TLE1: variants seen among roughly 807,000 people sequenced by gnomAD.
TLE1 encodes transducin-like enhancer protein 1.
In TLE1, 21 loss-of-function variants were observed where a neutral mutation model predicts 89.8. The ratio of observed to expected loss-of-function variants is 0.23; its 90% CI spans 0.17 to 0.34. The LOEUF (loss-of-function observed/expected upper bound fraction) is 0.34. TLE1 is among the 10% of genes least tolerant of loss of function. The pLI, the probability that TLE1 is intolerant of heterozygous loss-of-function variation, is 1.00. For missense variants in TLE1, 795 were observed against 1,031.2 expected (o/e 0.77, Z 3.14); for synonymous variants, 447 against 407.6 (o/e 1.10, Z -1.16).
chr9:81,651,915 A>G (rs1829589743), intron 6 of TLE1, among the ~76,000 whole-genome samples: 1 of 152,088 alleles, frequency 6.6e-6, no homozygotes, highest in Non-Finnish European at 1.5e-5. Flanking sequence ...GTTCCAGGCC[A>G]GAGTAGGCAA....
rs1373474671 is a variant in TLE1 at position 81,634,253 on chromosome 9, C to A, written c.421G>T (p.Val141Phe). Residue 141 changes from valine (V) to phenylalanine (F), a missense_variant, in exon 7 of 20, where the codon GTT becomes TTT. Coordinates refer to ENST00000376499, the MANE Select transcript of TLE1 (RefSeq NM_005077.5). Reference sequence around the variant, plus strand: ...CCCGAAGGGTGAGGCGTAAGGGGAACTGGGGGTCCGTGGCCATGAGAAAGA... The same window carrying A: ...CCCGAAGGGTGAGGCGTAAGGGGAAATGGGGGTCCGTGGCCATGAGAAAGA... ...QHLSHGHGPPVPLTPHPSGLQ... is the reference protein window; with the variant it reads ...QHLSHGHGPPFPLTPHPSGLQ... 1.9e-6 allele frequency: 3 copies of A among 1,569,828 alleles called. No homozygotes were observed. The highest frequency in any genetic ancestry group is 2.6e-6 in the Non-Finnish European group (3 of 1,153,608).
rs573657104 is a variant in TLE1, at chr9:81,605,111, C to G, written c.1331+5109G>C. 3.9e-5 allele frequency among the ~76,000 whole-genome samples: 6 copies of G among 152,312 alleles called. No homozygotes were observed. The South Asian group carries it at 6.2e-4, about 16-fold the overall frequency. ...AGTCTATGAATGGCAACTGTGCCTT[C>G]CGTCTGCCTCACCCAAGCATTCTTT... is the stretch of plus-strand genomic sequence containing the variant. On this transcript the variant is annotated intron_variant, in intron 14 of 19. Transcript: ENST00000376499.
chr9:81,594,385 A>G (rs1829938114), intron 14 of TLE1, among the ~76,000 whole-genome samples: 1 of 152,144 alleles, frequency 6.6e-6, no homozygotes, highest in African/African-American at 2.4e-5. Context: ...CCTTGCAGGG[A>G]CATGGATGAA....
At chr9:81,592,864 C>T (rs1484975251) in intron 15 of TLE1, among the ~76,000 whole-genome samples, 161 bp downstream of exon 15, 3 of 152,154 alleles carry the variant, frequency 2.0e-5, no homozygotes, top group Non-Finnish European at 4.4e-5. Context: ...ATGAAACCTT[C>T]GCATTTAAAT....
intron 4 of TLE1, among the ~76,000 whole-genome samples, chr9:81,666,291 A>C (rs926272937): frequency 2.0e-5 from 3 of 152,132 alleles, no homozygotes; most frequent in African/African-American, 7.2e-5. Context: ...CTCCTGTGGA[A>C]AGCAAGCAAG....
intron 18 of TLE1, 36 bp from the exon 19 acceptor site, chr9:81,584,560 G>A: frequency 1.3e-6 from 2 of 1,597,826 alleles, no homozygotes. Flanking sequence ...TTTTCACAAG[G>A]TTAAAATTCC....
intron 4 of TLE1, among the ~76,000 whole-genome samples, chr9:81,662,358 G>C (rs1348842433): frequency 1.0e-5 from 1 of 97,066 alleles, no homozygotes; most frequent in Non-Finnish European, 2.1e-5. Flanking sequence ...TAGTGTGCCT[G>C]TTTTGTGTGT....
chr9:81,658,406 T>C (rs1033450428), intron 4 of TLE1, among the ~76,000 whole-genome samples: 1 of 152,090 alleles, frequency 6.6e-6, no homozygotes, highest in Non-Finnish European at 1.5e-5. Flanking sequence ...CCATACCATA[T>C]GTCCTGGAAA....
Position 81,675,350 on chromosome 9 carries a change from C to T in TLE1, c.234+10326G>A, listed in dbSNP as rs900743338. On this transcript the variant is annotated intron_variant, in intron 4 of 19. Transcript: ENST00000376499. ...ACTAAGTAAATAATCAGTGGTTATA[C>T]TCATTATTACTAAGAAATCTGGTGA... 2.0e-5 allele frequency among the ~76,000 whole-genome samples: 3 copies of T among 152,068 alleles called. No homozygotes were observed. In the East Asian group the frequency reaches 5.8e-4, roughly 29 times the overall value.
intron 4 of TLE1, among the ~76,000 whole-genome samples, chr9:81,679,299 C>T (rs987149446): frequency 2.6e-4 from 31 of 117,818 alleles, no homozygotes; most frequent in African/African-American, 8.5e-4. Context: ...AAAAATTTTT[C>T]TTCACTTTTT....
intron 6 of TLE1, among the ~76,000 whole-genome samples, chr9:81,637,521 G>GC (rs1438877148): frequency 6.6e-6 from 1 of 152,048 alleles, no homozygotes; most frequent in Admixed American, 6.6e-5. Context: ...AGCCTAACTG[G>GC]CCATGGGTAA....
At chr9:81,608,520 TAAAAA>T (rs1220931244) in intron 14 of TLE1, among the ~76,000 whole-genome samples, 1 of 151,890 alleles carries the variant, frequency 6.6e-6, no homozygotes, top group Non-Finnish European at 1.5e-5. Context: ...TTTCTAAAAA[TAAAAA>T]ACTCACTAAT....
chr9:81,665,002 T>C (rs1831279866), intron 4 of TLE1, among the ~76,000 whole-genome samples: 1 of 152,156 alleles, frequency 6.6e-6, no homozygotes. Context: ...ACACCCTCTC[T>C]CTAATCTTCA....
At chr9:81,660,453 G>A (rs969424786) in intron 4 of TLE1, among the ~76,000 whole-genome samples, 1 of 151,232 alleles carries the variant, frequency 6.6e-6, no homozygotes, top group Admixed American at 6.6e-5. Context: ...TCGTTCTGTC[G>A]CCCAAGCTGG....
At chr9:81,663,625 T>TC (rs1831095132) in intron 4 of TLE1, among the ~76,000 whole-genome samples, 1 of 149,380 alleles carries the variant, frequency 6.7e-6, no homozygotes, top group African/African-American at 2.5e-5. Flanking sequence ...GAATAGACTT[T>TC]TTTTTTTTTT....
intron 5 of TLE1, among the ~76,000 whole-genome samples, chr9:81,652,513 T>A (rs1458131682): frequency 6.6e-6 from 1 of 152,196 alleles, no homozygotes; most frequent in Admixed American, 6.5e-5. Flanking sequence ...TACTTCTGGC[T>A]GTAAATTTCG....
At chr9:81,609,875 AT>A in intron 14 of TLE1, among the ~76,000 whole-genome samples, 1 of 152,348 alleles carries the variant, frequency 6.6e-6, no homozygotes, top group Middle Eastern at 3.4e-3. Context: ...ACTGTTGGGA[AT>A]CTCCAGCAGC....
intron 8 of TLE1, among the ~76,000 whole-genome samples, chr9:81,625,911 T>TAAAAAAAAAAAAAAAAAAAAAAA (rs35467275): frequency 2.3e-5 from 2 of 87,846 alleles, no homozygotes; most frequent in African/African-American, 5.4e-5. Flanking sequence ...CAGAAACTAC[T>TAAAAAAAAAAAAAAAAAAAAAAA]AAAAAAAAAA....
In TLE1 at chr9:81,688,518, G is replaced by C. The variant is rs1185693023; in HGVS notation, c.-278C>G. On this transcript the variant is annotated 5_prime_UTR_variant, in exon 1 of 20. Coordinates refer to ENST00000376499, the MANE Select transcript of TLE1 (RefSeq NM_005077.5). ...ACCTGCGCGGAGACGTCGGGCGCTCGGGGACTGTGCGCGGGGGCAGCGCTC... is the reference window on the plus strand; with the variant it reads ...ACCTGCGCGGAGACGTCGGGCGCTCCGGGACTGTGCGCGGGGGCAGCGCTC... The C allele has an allele frequency of 2.4e-5, 9 of 371,096 alleles. No individual in the cohort carries two copies. In the South Asian group the frequency reaches 2.8e-4, roughly 12 times the overall value. 23.0% of individuals were successfully genotyped at this position (371,096 alleles called of 1,614,324 possible).
Sources: gnomAD v4.1 joint callset for allele counts (sites outside exome capture counted in the v4.1 genomes callset) on GRCh38, gnomAD v4.1.1 for gene constraint, MANE v1.5 for transcripts, NCBI Gene and HGNC (gene_info 2026-07-23, HGNC 2026-07-21) for gene names.